EDA: variants seen among roughly 807,000 people sequenced by gnomAD.
The protein encoded by EDA is ectodysplasin A, also known as ectodysplasin-A.
Under a neutral mutation model 23.6 loss-of-function variants are expected in EDA, and 2 were observed. The ratio of observed to expected loss-of-function variants is 0.08; its 90% confidence interval spans 0.03 to 0.27. EDA has a LOEUF of 0.27. Among genes scored for constraint, EDA ranks in the 10% least tolerant of loss-of-function variants. The pLI is 1.00. For synonymous variants in EDA, 131 were observed against 132.0 expected, an observed-to-expected ratio of 0.99 and a Z score of 0.05; for missense variants, 229 against 324.2, an observed-to-expected ratio of 0.71 and a Z score of 2.26.
intron 1 of EDA, among the ~76,000 whole-genome samples, chrX:69,925,433 G>A (rs1328535372): frequency 1.8e-5 from 2 of 111,765 alleles, no homozygotes; most frequent in African/African-American, 6.5e-5. Context: ...CTTTGGTTCT[G>A]TTTATGTGAT....
In EDA at chrX:69,760,197, CAA is replaced by C. The variant is rs1162014486; in HGVS notation, c.396+143514_396+143515del. Among the ~76,000 whole-genome samples, 436 of 46,507 alleles carry C rather than the reference CAA, an allele frequency of 9.4e-3. 2 individuals carry two copies. The highest frequency in any genetic ancestry group is 0.034 in the African/African-American group (381 of 11,355). The allele number at this position is 46,507 out of a possible 115,157, so 40.4% of individuals were successfully genotyped here. A position where few individuals can be genotyped will look rare whatever the true frequency, so the allele number is the denominator to read the frequency against. On this transcript the variant is annotated intron_variant, in intron 1 of 7. Coordinates refer to ENST00000374552, the MANE Select transcript of EDA (RefSeq NM_001399.5). ...GGGGTTTTATAAAAGCTCTTTTGTA[CAA>C]AAAAAAAAAAAAAAAAAAAAGCAAA...
rs2020262775 is a variant in EDA, at chrX:70,036,007, G to A, written c.*398G>A. On this transcript the variant is annotated 3_prime_UTR_variant, in exon 8 of 8. Transcript: ENST00000374552. ...CTGGGGGTGGACATCTGACCCCAAG[G>A]GGGCTGCTGCTCCTCTCTTGGGTAG... is the stretch of plus-strand genomic sequence containing the variant. The A allele has an allele frequency of 1.0e-5, 2 of 192,301 alleles. No individual in the cohort carries two copies. Among genetic ancestry groups the A allele is most frequent in the Non-Finnish European group, 1.9e-5 (2 of 104,750 alleles). 15.8% of individuals were successfully genotyped at this position (192,301 alleles called of 1,213,427 possible). A position where few individuals can be genotyped will look rare whatever the true frequency, so the allele number is the denominator to read the frequency against.
intron 1 of EDA, among the ~76,000 whole-genome samples, chrX:69,705,994 T>C (rs1256133717): frequency 8.9e-6 from 1 of 112,353 alleles, no homozygotes; most frequent in Admixed American, 9.4e-5. Context: ...AGGCTTGTTA[T>C]GTAAATTTAA....
At chrX:69,660,847 G>A (rs1933472727) in intron 1 of EDA, among the ~76,000 whole-genome samples, 1 of 111,476 alleles carries the variant, frequency 9.0e-6, no homozygotes, top group Non-Finnish European at 1.9e-5. Context: ...AATCCTTTGG[G>A]TATATACCTA....
intron 1 of EDA, among the ~76,000 whole-genome samples, chrX:69,770,769 T>G: frequency 9.0e-6 from 1 of 111,357 alleles, no homozygotes; most frequent in African/African-American, 3.3e-5. Flanking sequence ...AGATTAGGCT[T>G]TTGGTGCCAA....
chrX:69,758,986 T>C (rs905050453), intron 1 of EDA, among the ~76,000 whole-genome samples: 2 of 111,966 alleles, frequency 1.8e-5, no homozygotes, highest in Non-Finnish European at 3.7e-5. Context: ...ATTTATGTGC[T>C]GTCTGATCTG....
At chrX:69,972,375 G>A (rs1474735674) in intron 2 of EDA, among the ~76,000 whole-genome samples, 1 of 111,425 alleles carries the variant, frequency 9.0e-6, no homozygotes, top group Non-Finnish European at 1.9e-5. Context: ...TTTCTAGCAC[G>A]ATGGCTGTAA....
At chrX:69,646,246 T>C (rs1932924272) in intron 1 of EDA, among the ~76,000 whole-genome samples, 1 of 111,715 alleles carries the variant, frequency 9.0e-6, no homozygotes, top group African/African-American at 3.3e-5. Context: ...GTTAATTTTC[T>C]ATCTTGATGA....
Position 69,785,653 on chromosome X carries a change from A to G in EDA, c.396+168949A>G, listed in dbSNP as rs1305689772. Among the ~76,000 whole-genome samples, 5 of 109,729 alleles carry G rather than the reference A, an allele frequency of 4.6e-5. No homozygotes were observed. In the Admixed American group the frequency reaches 4.9e-4, roughly 11 times the overall value. On this transcript the variant is annotated intron_variant, in intron 1 of 7. Coordinates refer to ENST00000374552, the MANE Select transcript of EDA (RefSeq NM_001399.5). ...TCCCAGGGTTGAAGCCCACTTGATC[A>G]TGGTGGATAAGCTTTTTGATGTGCT... is the stretch of plus-strand genomic sequence containing the variant.
intron 2 of EDA, among the ~76,000 whole-genome samples, chrX:70,020,877 T>A (rs1214684879): frequency 8.9e-6 from 1 of 112,175 alleles, no homozygotes; most frequent in Non-Finnish European, 1.9e-5. Flanking sequence ...ATAGAAGACT[T>A]CTAGATGTGC....
intron 1 of EDA, among the ~76,000 whole-genome samples, chrX:69,797,069 C>A (rs2015561188): frequency 9.0e-6 from 1 of 110,573 alleles, no homozygotes; most frequent in Admixed American, 9.7e-5. Context: ...ATAAGCAGAG[C>A]TTTTTTTATA....
chrX:69,619,650 A>G (rs60130661), intron 1 of EDA, among the ~76,000 whole-genome samples: 5,315 of 111,912 alleles, frequency 0.047, 176 homozygotes, highest in East Asian at 0.16. Flanking sequence ...GCAACCAAGT[A>G]GCTGAGATTT....
intron 1 of EDA, among the ~76,000 whole-genome samples, chrX:69,745,205 C>G (rs191809438): frequency 1.4e-3 from 151 of 111,650 alleles, no homozygotes; most frequent in African/African-American, 4.8e-3. Context: ...TTCTATCATT[C>G]ATGATAACAC....
rs3138864 is a variant in EDA, at chrX:69,658,212, T to TTGTGTGTGTGTGTGTGTG, written c.396+41530_396+41547dup. 1.4e-4 allele frequency among the ~76,000 whole-genome samples: 13 copies of TTGTGTGTGTGTGTGTGTG among 90,892 alleles called. 1 individual carries two copies. Among genetic ancestry groups the TTGTGTGTGTGTGTGTGTG allele is most frequent in the Non-Finnish European group, 2.6e-4 (12 of 46,175 alleles). The allele number at this position is 90,892 out of a possible 115,157, so 78.9% of individuals were successfully genotyped here. ...CTTGGTTAGCTGTACTCCTAGGTAT[T>TTGTGTGTGTGTGTGTGTG]TGTGTGTGTGTGTGTGTGTGTGTGT... On this transcript the variant is annotated intron_variant, in intron 1 of 7. Transcript: ENST00000374552.
At chrX:69,621,819 C>T (rs1932190781) in intron 1 of EDA, among the ~76,000 whole-genome samples, 1 of 111,480 alleles carries the variant, frequency 9.0e-6, no homozygotes, top group East Asian at 2.8e-4. Flanking sequence ...CAGCTCACTG[C>T]AGCCATAACC....
intron 1 of EDA, among the ~76,000 whole-genome samples, chrX:69,704,175 G>A (rs767381334): frequency 1.8e-5 from 2 of 111,992 alleles, no homozygotes; most frequent in Non-Finnish European, 3.8e-5. Context: ...ATCAGTTCAT[G>A]TAATATGTAC....
rs1386267284 is a variant in EDA at position 69,845,207 on chromosome X, G to A, written c.397-111820G>A. On this transcript the variant is annotated intron_variant, in intron 1 of 7. Coordinates refer to ENST00000374552, the MANE Select transcript of EDA (RefSeq NM_001399.5). The stretch of plus-strand genomic sequence containing the variant: ...AATTTGAAACAGATTTTGCTTATAT[G>A]GTAGTTTAATTGTGGATAACCTTTC... 4.5e-5 allele frequency among the ~76,000 whole-genome samples: 5 copies of A among 112,344 alleles called. No individual in the cohort carries two copies. In the South Asian group the frequency reaches 1.5e-3, roughly 33 times the overall value.
intron 1 of EDA, among the ~76,000 whole-genome samples, chrX:69,795,872 C>T (rs1342902196): frequency 8.9e-6 from 1 of 112,177 alleles, no homozygotes; most frequent in Non-Finnish European, 1.9e-5. Context: ...CCCAGCTCCG[C>T]CCCCTCCCCC....
chrX:69,778,799 A>G (rs1322307032), intron 1 of EDA, among the ~76,000 whole-genome samples: 1 of 111,541 alleles, frequency 9.0e-6, no homozygotes, highest in East Asian at 2.8e-4. Context: ...ATGAACCTTT[A>G]GAATGATGGA....
Sources: gnomAD v4.1 joint callset for allele counts (sites outside exome capture counted in the v4.1 genomes callset) on GRCh38, gnomAD v4.1.1 for gene constraint, MANE v1.5 for transcripts, NCBI Gene and HGNC (gene_info 2026-07-23, HGNC 2026-07-21) for gene names.